The following ZFPM1 variants were observed in gnomAD, a reference collection of about 807,000 sequenced individuals.
The protein encoded by ZFPM1 is zinc finger protein ZFPM1.
In ZFPM1, 28 loss-of-function variants were observed where a neutral mutation model predicts 46.3. The observed-to-expected ratio is 0.60, with a 90% confidence interval of 0.45 to 0.83. ZFPM1 has a LOEUF of 0.83. Among genes scored for constraint, ZFPM1 ranks in the 40% least tolerant of loss-of-function variants. The pLI is 0.00. For synonymous variants in ZFPM1, 957 were observed against 675.9 expected, an observed-to-expected ratio of 1.42 and a Z score of -6.45; for missense variants, 1,878 against 1,432.4, an observed-to-expected ratio of 1.31 and a Z score of -5.02.
In ZFPM1 at chr16:88,453,547, A is replaced by T; in HGVS notation, c.-92A>T. ...GCGGAGACCGGGGGCCGGGGGCATG[A>T]GCGGCCCCGCGGCCCCGCCGCGCCC... On this transcript the variant is annotated 5_prime_UTR_variant, in exon 1 of 10. Transcript: ENST00000319555. 1.6e-6 allele frequency: 1 copy of T among 613,618 alleles called. No homozygotes were observed. The highest frequency in any genetic ancestry group is 2.0e-6 in the Non-Finnish European group (1 of 495,298). 38.0% of individuals were successfully genotyped at this position (613,618 alleles called of 1,614,324 possible).
chr16:88,508,956 C>T (rs941257617), intron 3 of ZFPM1, among the ~76,000 whole-genome samples: 1 of 152,212 alleles, frequency 6.6e-6, no homozygotes, highest in Non-Finnish European at 1.5e-5. Context: ...CCGCACGCGG[C>T]GCGTCATCGT....
At chr16:88,495,305 G>T (rs1215480218) in intron 3 of ZFPM1, among the ~76,000 whole-genome samples, 7 of 152,208 alleles carry the variant, frequency 4.6e-5, no homozygotes, top group African/African-American at 1.2e-4. Flanking sequence ...GAGCGTGGGG[G>T]CTGGACCCTG....
chr16:88,534,439 C>T lies in ZFPM1; in HGVS notation c.2481C>T (p.His827=), dbSNP rs770145342. The T allele has an allele frequency of 4.7e-6, 7 of 1,499,026 alleles. No individual in the cohort carries two copies. Among genetic ancestry groups the T allele is most frequent in the Admixed American group, 2.1e-5 (1 of 47,788 alleles). The allele number at this position is 1,499,026 out of a possible 1,614,324, so 92.9% of individuals were successfully genotyped here. The stretch of plus-strand genomic sequence containing the variant: ...GCACGGCCTGCCGCGTGAGCTTCCA[C>T]AGCCTCGAGGCCTACCTGGCGCACA... ...HECTACRVSF[H]SLEAYLAHKK... is the part of the protein sequence containing the mutation. The change falls in exon 10 of 10, where the codon CAC becomes CAT. Residue 827 remains histidine, a synonymous_variant. Transcript: ENST00000319555.
upstream of ZFPM1, among the ~76,000 whole-genome samples, chr16:88,452,839 G>T (rs1320676480): frequency 1.3e-5 from 2 of 152,224 alleles, no homozygotes; most frequent in African/African-American, 4.8e-5. Context: ...CGCAGGATGC[G>T]GTGCCGCGGG....
chr16:88,501,752 G>A (rs1026287514), intron 3 of ZFPM1, among the ~76,000 whole-genome samples: 4 of 147,340 alleles, frequency 2.7e-5, no homozygotes, highest in Non-Finnish European at 4.4e-5. Context: ...GGGCCCTCCC[G>A]CTGGTGCTGA....
rs1597292324 is a variant in ZFPM1, at chr16:88,533,995, C to T, written c.2037C>T (p.Asp679=). Residue 679 remains aspartate (D), a synonymous_variant, in exon 10 of 10, where the codon GAC becomes GAT. Coordinates refer to ENST00000319555, the MANE Select transcript of ZFPM1 (RefSeq NM_153813.3). ...PGSSVDDAED[D]PSRTLCEACN... ...GCTCCGTGGACGACGCGGAGGACGA[C>T]CCCAGCCGCACGCTGTGCGAGGCCT... 1 of 1,372,414 alleles carries T rather than the reference C, an allele frequency of 7.3e-7. No individual in the cohort carries two copies. The highest frequency in any genetic ancestry group is 9.5e-7 in the Non-Finnish European group (1 of 1,047,288). The allele number at this position is 1,372,414 out of a possible 1,614,324, so 85.0% of individuals were successfully genotyped here. A position where few individuals can be genotyped will look rare whatever the true frequency, so the allele number is the denominator to read the frequency against.
At chr16:88,502,831 G>A (rs883284) in intron 3 of ZFPM1, among the ~76,000 whole-genome samples, 25,634 of 152,296 alleles carry the variant, frequency 0.17, 2,537 homozygotes, top group Non-Finnish European at 0.22. Flanking sequence ...TTCTTCCAGA[G>A]AAGGATGTTC....
At chr16:88,465,962 C>A (rs528068307) in intron 1 of ZFPM1, among the ~76,000 whole-genome samples, 1 of 152,256 alleles carries the variant, frequency 6.6e-6, no homozygotes, top group Admixed American at 6.5e-5. Flanking sequence ...AGGGGCCCGC[C>A]GTGCACGGGG....
Position 88,532,665 on chromosome 16 carries a change from C to T in ZFPM1, c.998C>T (p.Ala333Val), listed in dbSNP as rs766727999. Residue 333 changes from alanine (A) to valine (V), a missense_variant, in exon 8 of 10, where the codon GCC becomes GTC. Transcript: ENST00000319555. ...LICLSAFTTK[A>V]NCERHLKVHT... ...TGCCTGTCGGCCTTCACCACCAAGG[C>T]CAACTGCGAGCGGCACCTCAAGGTG... The T allele has an allele frequency of 6.2e-7, 1 of 1,601,006 alleles. No individual in the cohort carries two copies. The highest frequency in any genetic ancestry group is 8.5e-7 in the Non-Finnish European group (1 of 1,173,974).
At chr16:88,512,689 G>A (rs1405467735) in intron 3 of ZFPM1, among the ~76,000 whole-genome samples, 1 of 152,200 alleles carries the variant, frequency 6.6e-6, no homozygotes, top group Non-Finnish European at 1.5e-5. Context: ...TGACACACAG[G>A]CTCACTTGAT....
chr16:88,493,123 G>GGAGCTGTCCCGGGGTGGGGA (rs1567537458), intron 3 of ZFPM1, among the ~76,000 whole-genome samples: 5 of 72,466 alleles, frequency 6.9e-5, no homozygotes, highest in Non-Finnish European at 1.2e-4. Flanking sequence ...CGGGGTGGGG[G>GGAGCTGTCCCGGGGTGGGGA]GAGCTGTCCC....
rs1567534081 is a variant in ZFPM1 at position 88,485,855 on chromosome 16, G to GT, written c.41-84_41-83insT. 72 of 1,334,574 alleles carry GT rather than the reference G, an allele frequency of 5.4e-5. No homozygotes were observed. In the East Asian group the frequency reaches 1.6e-3, roughly 30 times the overall value. 82.7% of individuals were successfully genotyped at this position (1,334,574 alleles called of 1,614,324 possible). On this transcript the variant is annotated intron_variant, in intron 1 of 9. Transcript: ENST00000319555. Reference sequence around the variant, plus strand: ...TTGCCATTTCCGCCTGGGCACCGGGGCTGTACCTATGCCAGGAGGGGTCAG... The same window carrying GT: ...TTGCCATTTCCGCCTGGGCACCGGGGTCTGTACCTATGCCAGGAGGGGTCAG...
intron 4 of ZFPM1, among the ~76,000 whole-genome samples, chr16:88,517,740 G>C (rs916989530): frequency 1.6e-4 from 21 of 131,278 alleles, no homozygotes; most frequent in Middle Eastern, 3.8e-3. Flanking sequence ...ATGGATGAAT[G>C]AATGGGTGGG....
chr16:88,463,415 C>T (rs1463189497), intron 1 of ZFPM1, among the ~76,000 whole-genome samples: 2 of 152,234 alleles, frequency 1.3e-5, no homozygotes, highest in Non-Finnish European at 2.9e-5. Flanking sequence ...GGCCCTCCCC[C>T]GGATGTGACC....
chr16:88,533,596 G>A lies in ZFPM1; in HGVS notation c.1638G>A (p.Met546Ile). The A allele has an allele frequency of 6.7e-7, 1 of 1,494,196 alleles. No homozygotes were observed. The highest frequency in any genetic ancestry group is 8.9e-7 in the Non-Finnish European group (1 of 1,121,264). The allele number at this position is 1,494,196 out of a possible 1,614,324, so 92.6% of individuals were successfully genotyped here. ...CCGCCTCGGAGATCCTGGCCAAGAT[G>A]TCCGAGCTGGTGCACAGCCGGCTGC... is the stretch of plus-strand genomic sequence containing the variant. Reference protein sequence around the residue: ...APPASEILAKMSELVHSRLQQ... With the variant: ...APPASEILAKISELVHSRLQQ... The change falls in exon 10 of 10, where the codon ATG (methionine) becomes ATA (isoleucine). Residue 546 changes from methionine to isoleucine, a missense_variant. By Grantham distance (10) the Met-to-Ile change is conservative (BLOSUM62 1). Coordinates refer to ENST00000319555, the MANE Select transcript of ZFPM1 (RefSeq NM_153813.3).
chr16:88,465,694 T>C (rs1174589279), intron 1 of ZFPM1, among the ~76,000 whole-genome samples: 3 of 152,198 alleles, frequency 2.0e-5, no homozygotes, highest in Admixed American at 2.0e-4. Flanking sequence ...GCTCCCCGGC[T>C]TGGCTCCCAC....
At chr16:88,523,730 T>C (rs1166276241) in intron 4 of ZFPM1, among the ~76,000 whole-genome samples, 4 of 152,162 alleles carry the variant, frequency 2.6e-5, no homozygotes, top group African/African-American at 9.6e-5. Context: ...TGTTTGGCAG[T>C]GGGGGCCGTG....
rs372087073 is a variant in ZFPM1 at position 88,493,886 on chromosome 16, C to T, written c.268+4733C>T. Among the ~76,000 whole-genome samples the T allele has an allele frequency of 2.6e-4, 39 of 152,280 alleles. 1 individual carries two copies. The highest frequency in any genetic ancestry group is 8.7e-4 in the African/African-American group (36 of 41,534). On this transcript the variant is annotated intron_variant, in intron 3 of 9. Transcript: ENST00000319555. Reference sequence around the variant, plus strand: ...TCTGTCTGCTGCGAGCGGCTTTGCTCTCGAGCGCCACGGCTTCAAAGGAGG... The same window carrying T: ...TCTGTCTGCTGCGAGCGGCTTTGCTTTCGAGCGCCACGGCTTCAAAGGAGG...
chr16:88,481,231 C>T (rs1319956131), intron 1 of ZFPM1, among the ~76,000 whole-genome samples: 1 of 152,228 alleles, frequency 6.6e-6, no homozygotes. Flanking sequence ...AGCCATAGCC[C>T]GTGGACACCT....
Sources: gnomAD v4.1 joint callset for allele counts (sites outside exome capture counted in the v4.1 genomes callset) on GRCh38, gnomAD v4.1.1 for gene constraint, MANE v1.5 for transcripts, NCBI Gene and HGNC (gene_info 2026-07-23, HGNC 2026-07-21) for gene names.